The following BRD3 variants were observed in gnomAD, a reference collection of about 807,000 sequenced individuals.
BRD3 encodes the protein bromodomain-containing protein 3.
In BRD3, 17 loss-of-function variants were observed where a neutral mutation model predicts 66.8. That is an observed-to-expected ratio of 0.25 (90% CI 0.17 to 0.38). BRD3 has a LOEUF of 0.38. Among genes scored for constraint, BRD3 ranks in the 10% least tolerant of loss-of-function variants. The pLI, the probability that BRD3 is intolerant of heterozygous loss-of-function variation, is 1.00. For missense variants in BRD3, 713 were observed against 956.1 expected, an observed-to-expected ratio of 0.75 and a Z score of 3.35; for synonymous variants, 421 against 393.2, an observed-to-expected ratio of 1.07 and a Z score of -0.84.
intron 9 of BRD3, among the ~76,000 whole-genome samples, chr9:134,037,399 T>C (rs961123083): frequency 2.0e-5 from 3 of 152,020 alleles, no homozygotes; most frequent in Non-Finnish European, 4.4e-5. Flanking sequence ...GGTGAAACCC[T>C]GTCTCTACTA....
intron 1 of BRD3, among the ~76,000 whole-genome samples, chr9:134,054,882 C>T (rs1048850534): frequency 6.7e-6 from 1 of 150,224 alleles, no homozygotes; most frequent in Non-Finnish European, 1.5e-5. Context: ...CCTCCCACCC[C>T]ACCCCAGAGA....
At chr9:134,065,857 C>CTGGAGGAAGAGGG (rs1830639456) in intron 1 of BRD3, among the ~76,000 whole-genome samples, 1 of 152,180 alleles carries the variant, frequency 6.6e-6, no homozygotes, top group Non-Finnish European at 1.5e-5. Flanking sequence ...TCTCCAGAGC[C>CTGGAGGAAGAGGG]TGGAGGAAGA....
intron 7 of BRD3, among the ~76,000 whole-genome samples, chr9:134,044,734 A>G (rs1428112500): frequency 6.6e-6 from 1 of 152,224 alleles, no homozygotes; most frequent in Non-Finnish European, 1.5e-5. Flanking sequence ...TATCTCTGTG[A>G]GGTTTGTGCA....
chr9:134,041,717 C>A, intron 8 of BRD3, 43 bp downstream of exon 8: 2 of 1,590,752 alleles, frequency 1.3e-6, no homozygotes, highest in Non-Finnish European at 1.7e-6. Context: ...GCCAGCAATC[C>A]CGCCTCAGCC....
intron 1 of BRD3, among the ~76,000 whole-genome samples, chr9:134,066,392 G>C (rs1190461634): frequency 6.6e-6 from 1 of 152,204 alleles, no homozygotes; most frequent in African/African-American, 2.4e-5. Context: ...AGGGCTGCCA[G>C]GGAAGAACCC....
Position 134,033,133 on chromosome 9 carries a change from G to C in BRD3, c.*457C>G. 2.5e-6 allele frequency: 1 copy of C among 399,798 alleles called. No homozygotes were observed. The highest frequency in any genetic ancestry group is 4.4e-6 in the Non-Finnish European group (1 of 226,796). The allele number at this position is 399,798 out of a possible 1,614,324, so 24.8% of individuals were successfully genotyped here. ...GTGGCCGCGTCAGACACGAGGGTCA[G>C]AGCTCGGGGCCCAAATGACAAGGAC... On this transcript the variant is annotated 3_prime_UTR_variant, in exon 12 of 12. Coordinates refer to ENST00000303407, the MANE Select transcript of BRD3 (RefSeq NM_007371.4). This position sits in a 1 kb window ranked among gnomAD's most constrained non-coding sequence, Gnocchi z 5.1.
chr9:134,058,092 T>A (rs979714581), intron 1 of BRD3: 1 of 152,228 alleles, frequency 6.6e-6, no homozygotes, highest in Non-Finnish European at 1.5e-5. Flanking sequence ...TGTGAAGAGA[T>A]GGTTTGTGCT....
At chr9:134,056,288 A>G (rs1830423598) in intron 1 of BRD3, among the ~76,000 whole-genome samples, 1 of 152,204 alleles carries the variant, frequency 6.6e-6, no homozygotes, top group African/African-American at 2.4e-5. Flanking sequence ...CAGCTCCGCT[A>G]CCTGGCAGAA....
At chr9:134,053,773 G>C (rs375656987) in intron 1 of BRD3, 183 bp from the exon 2 acceptor site, 7 of 495,116 alleles carry the variant, frequency 1.4e-5, no homozygotes, top group African/African-American at 1.4e-4. Flanking sequence ...GGCGAAGCGC[G>C]ACCAGCTCAG....
In BRD3 at chr9:134,034,689, C is replaced by T. The variant is rs200046701; in HGVS notation, c.2065+12G>A. 1.0e-4 allele frequency: 161 copies of T among 1,602,164 alleles called. 2 individuals are homozygous for T. The South Asian group carries it at 1.6e-3, about 16-fold the overall frequency. ...CCCTAAAGAGGGGTGGCACAGCGGC[C>T]GCCAGCGGTACCTTTCCGGGCGGGC... is the stretch of plus-strand genomic sequence containing the variant. On this transcript the variant is annotated intron_variant, in intron 11 of 11. Coordinates refer to ENST00000303407, the MANE Select transcript of BRD3 (RefSeq NM_007371.4).
chr9:134,046,506 A>G (rs1226674912), intron 6 of BRD3, among the ~76,000 whole-genome samples: 5 of 152,174 alleles, frequency 3.3e-5, no homozygotes, highest in Non-Finnish European at 5.9e-5. Context: ...CCCGTACCCT[A>G]TGCACTCAGA....
At chr9:134,041,144 C>T (rs979136228) in intron 8 of BRD3, among the ~76,000 whole-genome samples, 5 of 152,244 alleles carry the variant, frequency 3.3e-5, no homozygotes, top group Non-Finnish European at 5.9e-5. Flanking sequence ...CCTCCTGACT[C>T]GACAGCCCTG....
chr9:134,056,517 G>A (rs12342584), intron 1 of BRD3: 15,561 of 152,374 alleles, frequency 0.1, 974 homozygotes, highest in African/African-American at 0.18. Flanking sequence ...AAGTGGCCCT[G>A]CCTCCCCCAG....
intron 1 of BRD3, chr9:134,058,033 C>G (rs1217922716): frequency 6.6e-6 from 1 of 152,442 alleles, no homozygotes; most frequent in East Asian, 1.9e-4. Flanking sequence ...CCCGCGGTGT[C>G]GGCACACCAG....
Position 134,053,467 on chromosome 9 carries a change from G to C in BRD3, c.11C>G (p.Ala4Gly). ...GATCCCCGCGGGGGCGACTGTCGTGGCGGTGGACATCCTCCGGCAGCTCAC... is the reference window on the plus strand; with the variant it reads ...GATCCCCGCGGGGGCGACTGTCGTGCCGGTGGACATCCTCCGGCAGCTCAC... MST[A>G]TTVAPAGIPA... Residue 4 changes from alanine to glycine, a missense_variant, in exon 2 of 12, where the codon GCC becomes GGC. This residue lies in a region of BRD3 where 48 missense variants were observed against 42.5 expected (regional missense o/e 1.13). Transcript: ENST00000303407. 1 of 1,599,810 alleles carries C rather than the reference G, an allele frequency of 6.3e-7. No individual in the cohort carries two copies. Among genetic ancestry groups the C allele is most frequent in the Non-Finnish European group, 8.5e-7 (1 of 1,175,404 alleles).
intron 1 of BRD3, among the ~76,000 whole-genome samples, chr9:134,063,231 C>T (rs1370090023): frequency 2.0e-5 from 3 of 152,232 alleles, no homozygotes; most frequent in East Asian, 3.9e-4. Flanking sequence ...CGGGACAGAC[C>T]GGAGGCAGAG....
intron 11 of BRD3, among the ~76,000 whole-genome samples, chr9:134,034,016 T>C (rs1382947428): frequency 6.6e-6 from 1 of 152,172 alleles, no homozygotes; most frequent in Non-Finnish European, 1.5e-5. Context: ...CTGGCGTTTC[T>C]GGAGCGCTTA....
intron 1 of BRD3, among the ~76,000 whole-genome samples, chr9:134,062,494 T>C (rs1253758006): frequency 2.0e-5 from 3 of 152,112 alleles, no homozygotes; most frequent in African/African-American, 7.2e-5. Flanking sequence ...CCAGGGCCTG[T>C]GCTTCTCCAT....
chr9:134,047,014 G>C (rs1830185562), intron 6 of BRD3, among the ~76,000 whole-genome samples: 1 of 152,196 alleles, frequency 6.6e-6, no homozygotes, highest in African/African-American at 2.4e-5. Context: ...TGCAGCCGAG[G>C]CTCCTGGCAG....
Sources: allele counts gnomAD v4.1 joint callset (sites outside exome capture counted in the v4.1 genomes callset), GRCh38; gene constraint gnomAD v4.1.1; regional missense constraint gnomAD v4.1.1; non-coding constraint Gnocchi (gnomAD v3.1); transcripts MANE v1.5; gene names NCBI Gene and HGNC (gene_info 2026-07-23, HGNC 2026-07-21).